GALNT16: variants seen among roughly 807,000 people sequenced by gnomAD.
GALNT16 encodes polypeptide N-acetylgalactosaminyltransferase 16.
Under a neutral mutation model 76.1 loss-of-function variants are expected in GALNT16, and 40 were observed. That is an observed-to-expected ratio of 0.53 (90% CI 0.41 to 0.68). GALNT16 has a LOEUF of 0.68. GALNT16 is among the 30% of genes least tolerant of loss of function. The pLI, the probability that GALNT16 is intolerant of heterozygous loss-of-function variation, is 0.00. For synonymous variants in GALNT16, 276 were observed against 285.2 expected (o/e 0.97, Z 0.32); for missense variants, 621 against 731.9 (o/e 0.85, Z 1.75).
chr14:69,271,059 G>A (rs1210045274), intron 1 of GALNT16, among the ~76,000 whole-genome samples: 3 of 152,168 alleles, frequency 2.0e-5, no homozygotes, highest in Non-Finnish European at 4.4e-5. Flanking sequence ...GGCTACCCAC[G>A]GTGATGTGTG....
rs1434065124 is a variant in GALNT16 at position 69,338,599 on chromosome 14, C to T, written c.968-52C>T. The T allele has an allele frequency of 3.8e-6, 6 of 1,598,632 alleles. No homozygotes were observed. The African/African-American group carries it at 4.0e-5, about 11-fold the overall frequency. Reference sequence around the variant, plus strand: ...GAAGGGAAGCCAGCCCCTTCCCACCCTCACTTGCCAAGGAACCCCTTCCTC... The same window carrying T: ...GAAGGGAAGCCAGCCCCTTCCCACCTTCACTTGCCAAGGAACCCCTTCCTC... On this transcript the variant is annotated intron_variant, in intron 9 of 14. Coordinates refer to ENST00000448469, the MANE Select transcript of GALNT16 (RefSeq NM_001168368.2).
chr14:69,370,138 G>A, the GALNT16 span, among the ~76,000 whole-genome samples: 1 of 152,140 alleles, frequency 6.6e-6, no homozygotes, highest in East Asian at 1.9e-4. Context: ...ATCCCTGGGC[G>A]AGCTCATTAG....
intron 13 of GALNT16, 28 bp from the exon 14 acceptor site, chr14:69,347,849 C>G (rs770078353): frequency 1.3e-5 from 21 of 1,610,176 alleles, no homozygotes; most frequent in Non-Finnish European, 1.7e-5. Flanking sequence ...TACTTTTTGA[C>G]TTGGCCTTTC....
the GALNT16 span, among the ~76,000 whole-genome samples, chr14:69,362,046 T>C: frequency 6.6e-6 from 1 of 152,016 alleles, no homozygotes; most frequent in Non-Finnish European, 1.5e-5. Context: ...GGGCAGGAAA[T>C]TGGGAGCACA....
At position 69,352,068 on chromosome 14, in the gene GALNT16, T is replaced by C; in HGVS notation, c.1577T>C (p.Val526Ala). 1 of 1,613,854 alleles carries C rather than the reference T, an allele frequency of 6.2e-7. No individual in the cohort carries two copies. The highest frequency in any genetic ancestry group is 8.5e-7 in the Non-Finnish European group (1 of 1,179,696). The change falls in exon 15 of 15, where the codon GTC becomes GCC. Residue 526 changes from valine to alanine, a missense_variant. Val to Ala is a moderately conservative substitution (Grantham distance 64). Transcript: ENST00000448469. ...AAAGGATCTTTCATCCAGCATTCAG[T>C]CAGTGGCCTCTGCCTGGAGACAAAG... ...RRKGSFIQHS[V>A]SGLCLETKPA...
At chr14:69,310,772 G>C (rs954621892) in intron 1 of GALNT16, among the ~76,000 whole-genome samples, 9 of 152,192 alleles carry the variant, frequency 5.9e-5, no homozygotes, top group African/African-American at 2.2e-4. Flanking sequence ...AATTAGGGCT[G>C]GGTGCGGTGG....
intron 1 of GALNT16, among the ~76,000 whole-genome samples, chr14:69,281,255 C>T (rs1484698089): frequency 1.3e-5 from 2 of 152,260 alleles, no homozygotes; most frequent in East Asian, 1.9e-4. Flanking sequence ...TGATTTAATG[C>T]AGTGAACAAG....
chr14:69,274,582 C>T (rs1199938082), intron 1 of GALNT16, among the ~76,000 whole-genome samples: 1 of 152,076 alleles, frequency 6.6e-6, no homozygotes, highest in Admixed American at 6.6e-5. Context: ...CTGTGGGAGG[C>T]CTTCGTAGTA....
rs2045458573 is a variant in GALNT16, at chr14:69,339,580, A to G, written c.1148A>G (p.Tyr383Cys). 3 of 1,612,476 alleles carry G rather than the reference A, an allele frequency of 1.9e-6. No individual in the cohort carries two copies. Among genetic ancestry groups the G allele is most frequent in the Non-Finnish European group, 2.5e-6 (3 of 1,178,886 alleles). Residue 383 changes from tyrosine to cysteine, a missense_variant, in exon 11 of 15, where the codon TAT becomes TGT. Transcript: ENST00000448469. ...ATGGATGAATACAAGCAATACTACT[A>G]TGAGGCCCGGCCCTCGGCCATCGGG... ...VWMDEYKQYYYEARPSAIGKA... is the reference protein window; with the variant it reads ...VWMDEYKQYYCEARPSAIGKA...
chr14:69,376,738 G>A, the GALNT16 span, among the ~76,000 whole-genome samples: 1 of 152,106 alleles, frequency 6.6e-6, no homozygotes, highest in Non-Finnish European at 1.5e-5. Context: ...TACTAGACAA[G>A]ACTGCTTATG....
At position 69,278,008 on chromosome 14, in the gene GALNT16, C is replaced by CT. The variant is rs535285438; in HGVS notation, c.177+17558dup. ...AATCAAAACCACAATGAAATACCAT[C>CT]TTTTTTTTTTTTTTTTTAGAGACAA... On this transcript the variant is annotated intron_variant, in intron 1 of 14. Transcript: ENST00000448469. Among the ~76,000 whole-genome samples the CT allele has an allele frequency of 7.5e-3, 1,049 of 140,576 alleles. 8 individuals are homozygous for CT. Among genetic ancestry groups the CT allele is most frequent in the African/African-American group, 0.014 (551 of 38,404 alleles). 92.2% of individuals were successfully genotyped at this position (140,576 alleles called of 152,430 possible). A position where few individuals can be genotyped will look rare whatever the true frequency, so the allele number is the denominator to read the frequency against.
chr14:69,317,633 T>C (rs1379086150), intron 1 of GALNT16, among the ~76,000 whole-genome samples: 2 of 152,218 alleles, frequency 1.3e-5, no homozygotes, highest in East Asian at 1.9e-4. Context: ...AGGGCAGACA[T>C]TGAATCAGGC....
chr14:69,349,216 G>C (rs1421784501), intron 14 of GALNT16: 1 of 152,154 alleles, frequency 6.6e-6, no homozygotes, highest in Non-Finnish European at 1.5e-5. Context: ...CCCTGCAGTG[G>C]GGCTGGTGCA....
chr14:69,369,311 T>C, the GALNT16 span, among the ~76,000 whole-genome samples: 74 of 152,260 alleles, frequency 4.9e-4, no homozygotes, highest in African/African-American at 1.7e-3. Context: ...TAAGTAAATA[T>C]TTGTGGAAAT....
At chr14:69,335,782 T>C (rs893325533) in intron 9 of GALNT16, among the ~76,000 whole-genome samples, 4 of 152,226 alleles carry the variant, frequency 2.6e-5, no homozygotes, top group African/African-American at 7.2e-5. Flanking sequence ...TTTCCTTTTA[T>C]TCCTTTATTG....
At chr14:69,313,177 C>T (rs1174494792) in intron 1 of GALNT16, among the ~76,000 whole-genome samples, 1 of 152,236 alleles carries the variant, frequency 6.6e-6, no homozygotes, top group Non-Finnish European at 1.5e-5. Context: ...CAGTCTTCCC[C>T]CCATACTCTG....
At chr14:69,287,006 G>A (rs1489526285) in intron 1 of GALNT16, among the ~76,000 whole-genome samples, 4 of 152,134 alleles carry the variant, frequency 2.6e-5, no homozygotes, top group African/African-American at 9.7e-5. Context: ...AGAACACACG[G>A]CATCTTCTTG....
At chr14:69,290,201 G>C (rs2044671928) in intron 1 of GALNT16, among the ~76,000 whole-genome samples, 2 of 152,206 alleles carry the variant, frequency 1.3e-5, no homozygotes, top group South Asian at 2.1e-4. Flanking sequence ...CTGCTATTTG[G>C]AGATGCTCTC....
chr14:69,360,528 C>A (rs1020267862), downstream of GALNT16, among the ~76,000 whole-genome samples: 2 of 149,590 alleles, frequency 1.3e-5, no homozygotes, highest in African/African-American at 4.9e-5. Context: ...TCTGGGAGGC[C>A]GAGGCAGGAG....
Sources: gnomAD v4.1 joint callset for allele counts (sites outside exome capture counted in the v4.1 genomes callset) on GRCh38, gnomAD v4.1.1 for gene constraint, MANE v1.5 for transcripts, NCBI Gene and HGNC (gene_info 2026-07-23, HGNC 2026-07-21) for gene names.